The following DRC8 variants were observed in gnomAD, a reference collection of about 807,000 sequenced individuals.
DRC8 encodes dynein regulatory complex subunit 8, also known as dynein regulatory complex protein 8.
the DRC8 span, chr1:244,971,135 C>T: frequency 1.3e-5 from 2 of 152,456 alleles, no homozygotes; most frequent in African/African-American, 2.4e-5. Flanking sequence ...TGCCTCCGAG[C>T]TTCCCGGTCC....
chr1:244,972,562 T>G, the DRC8 span, among the ~76,000 whole-genome samples: 2 of 152,216 alleles, frequency 1.3e-5, no homozygotes, highest in Non-Finnish European at 2.9e-5. Flanking sequence ...GGCTCACGCC[T>G]GCAATCCCAG....
At chr1:245,045,183 A>AT in the DRC8 span, among the ~76,000 whole-genome samples, 5 of 151,694 alleles carry the variant, frequency 3.3e-5, no homozygotes, top group African/African-American at 1.2e-4. Flanking sequence ...CTAATTTTAC[A>AT]TTTTTTTGTA....
chr1:245,059,543 T>A, the DRC8 span: 2 of 1,143,838 alleles, frequency 1.7e-6, no homozygotes, highest in Non-Finnish European at 1.2e-6. Flanking sequence ...TACCGGAAAC[T>A]AAAAAAAAGT....
chr1:245,023,838 CT>C, the DRC8 span, among the ~76,000 whole-genome samples: 5 of 152,000 alleles, frequency 3.3e-5, no homozygotes, highest in African/African-American at 9.7e-5. Flanking sequence ...CTGCACTCTG[CT>C]TTTTTTACTT....
the DRC8 span, among the ~76,000 whole-genome samples, chr1:245,109,646 T>C: frequency 1.3e-5 from 2 of 152,244 alleles, no homozygotes; most frequent in East Asian, 3.8e-4. Flanking sequence ...GTAACCCCTA[T>C]AATAGCATAT....
the DRC8 span, among the ~76,000 whole-genome samples, chr1:244,986,867 G>C: frequency 2.6e-5 from 4 of 152,124 alleles, no homozygotes; most frequent in Non-Finnish European, 2.9e-5. Flanking sequence ...GAAGGTTTGA[G>C]AGTCAAGAGA....
At chr1:245,093,199 C>A in the DRC8 span, among the ~76,000 whole-genome samples, 1 of 151,898 alleles carries the variant, frequency 6.6e-6, no homozygotes, top group African/African-American at 2.4e-5. Context: ...GGGAGATAGC[C>A]GAGGTTTGCT....
chr1:244,983,139 G>C, the DRC8 span, among the ~76,000 whole-genome samples: 1 of 152,178 alleles, frequency 6.6e-6, no homozygotes, highest in Non-Finnish European at 1.5e-5. Flanking sequence ...AATCTGGAGT[G>C]AGGGGGTCTG....
chr1:245,004,106 G>A, the DRC8 span, among the ~76,000 whole-genome samples: 2 of 152,026 alleles, frequency 1.3e-5, no homozygotes, highest in Non-Finnish European at 2.9e-5. Flanking sequence ...TCTGAGATGG[G>A]GTCTTACTGT....
the DRC8 span, among the ~76,000 whole-genome samples, chr1:244,978,677 A>G: frequency 2.0e-5 from 3 of 151,988 alleles, no homozygotes; most frequent in Non-Finnish European, 2.9e-5. Flanking sequence ...TTTGGTAGAG[A>G]TAAGATCTTG....
the DRC8 span, among the ~76,000 whole-genome samples, chr1:245,105,291 T>G: frequency 6.6e-6 from 1 of 152,142 alleles, no homozygotes; most frequent in Non-Finnish European, 1.5e-5. Context: ...CATCAACCTG[T>G]CACCTAATGG....
At chr1:244,989,224 A>G in the DRC8 span, among the ~76,000 whole-genome samples, 7 of 152,140 alleles carry the variant, frequency 4.6e-5, no homozygotes, top group Non-Finnish European at 7.4e-5. Context: ...TCACCACACC[A>G]GGCCAATAAA....
At chr1:245,109,360 C>A in the DRC8 span, among the ~76,000 whole-genome samples, 10,567 of 152,182 alleles carry the variant, frequency 0.069, 975 homozygotes, top group African/African-American at 0.2. Context: ...CAGGGACAAT[C>A]TCTGTCTCAT....
the DRC8 span, among the ~76,000 whole-genome samples, chr1:245,036,223 G>A: frequency 6.6e-6 from 1 of 152,146 alleles, no homozygotes; most frequent in Non-Finnish European, 1.5e-5. Flanking sequence ...CAAAGTATTT[G>A]AATAGACATT....
chr1:245,066,831 C>T, the DRC8 span, among the ~76,000 whole-genome samples: 1 of 151,826 alleles, frequency 6.6e-6, no homozygotes, highest in Non-Finnish European at 1.5e-5. Flanking sequence ...GGCGTGAACC[C>T]GGGAGGCGGA....
At chr1:245,059,535 C>T in the DRC8 span, 1 of 1,329,142 alleles carries the variant, frequency 7.5e-7, no homozygotes, top group Non-Finnish European at 1.0e-6. Context: ...ACAATCCTTA[C>T]CGGAAACTAA....
chr1:244,993,420 C>T, the DRC8 span, among the ~76,000 whole-genome samples: 2 of 152,114 alleles, frequency 1.3e-5, no homozygotes, highest in Non-Finnish European at 2.9e-5. Context: ...TAAATCAAGC[C>T]CAGGTGGTAA....
chr1:245,074,086 C>A, the DRC8 span, among the ~76,000 whole-genome samples: 1 of 152,064 alleles, frequency 6.6e-6, no homozygotes, highest in Admixed American at 6.5e-5. Flanking sequence ...TAGCTGTGGA[C>A]GTAGTAAAGT....
chr1:245,006,644 A>G, the DRC8 span, among the ~76,000 whole-genome samples: 1 of 152,122 alleles, frequency 6.6e-6, no homozygotes, highest in Admixed American at 6.6e-5. Context: ...AAGGGTTTAT[A>G]AGTAGATGGC....
Sources: allele counts gnomAD v4.1 joint callset (sites outside exome capture counted in the v4.1 genomes callset), GRCh38; gene constraint gnomAD v4.1.1; transcripts MANE v1.5; gene names NCBI Gene and HGNC (gene_info 2026-07-23, HGNC 2026-07-21).